The following EDEM3 variants were observed in gnomAD, a reference collection of about 807,000 sequenced individuals.
EDEM3 encodes the protein ER degradation enhancing alpha-mannosidase like protein 3, also known as ER degradation-enhancing alpha-mannosidase-like protein 3.
A neutral mutation model predicts 110.2 loss-of-function variants in EDEM3; 60 were observed. The ratio of observed to expected loss-of-function variants is 0.54; its 90% CI spans 0.44 to 0.67. The LOEUF (loss-of-function observed/expected upper bound fraction) is 0.67. Among genes scored for constraint, EDEM3 ranks in the 30% least tolerant of loss-of-function variants. The pLI is 0.00. For missense variants in EDEM3, 996 were observed against 1,121.0 expected (o/e 0.89, Z 1.59); for synonymous variants, 352 against 382.9 (o/e 0.92, Z 0.94).
intron 2 of EDEM3, among the ~76,000 whole-genome samples, chr1:184,748,303 C>T (rs191367648): frequency 1.5e-3 from 223 of 152,018 alleles, no homozygotes; most frequent in Non-Finnish European, 2.5e-3. Context: ...AAAAATTAGC[C>T]AGGCATGGTG....
intron 8 of EDEM3, among the ~76,000 whole-genome samples, chr1:184,722,704 GAATT>G (rs1369766397): frequency 1.3e-5 from 2 of 151,506 alleles, no homozygotes; most frequent in South Asian, 2.1e-4. Context: ...TAATATGTTT[GAATT>G]AATAATTTTA....
At position 184,753,201 on chromosome 1, in the gene EDEM3, AT is replaced by A. The variant is rs551510707; in HGVS notation, c.158+1287del. Reference sequence around the variant, plus strand: ...CGTTCCACTTTTTTTCTGAGCTCAGATTTTTTTTTTCTTTTTTAAAAAAAAC... The same window carrying A: ...CGTTCCACTTTTTTTCTGAGCTCAGATTTTTTTTTCTTTTTTAAAAAAAAC... On this transcript the variant is annotated intron_variant, in intron 1 of 19. Coordinates refer to ENST00000318130, the MANE Select transcript of EDEM3 (RefSeq NM_025191.4). Among the ~76,000 whole-genome samples the A allele has an allele frequency of 7.7e-3, 1,144 of 148,280 alleles. 11 individuals are homozygous for A. Among genetic ancestry groups the A allele is most frequent in the Middle Eastern group, 0.028 (8 of 290 alleles).
chr1:184,701,875 T>C (rs1303383891), intron 19 of EDEM3, among the ~76,000 whole-genome samples: 2 of 152,162 alleles, frequency 1.3e-5, no homozygotes, highest in Admixed American at 6.6e-5. Flanking sequence ...CTAGCATGAT[T>C]ATGCTAGCAT....
At position 184,744,280 on chromosome 1, in the gene EDEM3, A is replaced by C. The variant is rs868031982; in HGVS notation, c.204+5267T>G. Among the ~76,000 whole-genome samples the C allele has an allele frequency of 2.6e-3, 335 of 127,806 alleles. 1 individual carries two copies. The highest frequency in any genetic ancestry group is 9.2e-3 in the African/African-American group (292 of 31,750). 83.8% of individuals were successfully genotyped at this position (127,806 alleles called of 152,430 possible). A position where few individuals can be genotyped will look rare whatever the true frequency, so the allele number is the denominator to read the frequency against. On this transcript the variant is annotated intron_variant, in intron 2 of 19. Coordinates refer to ENST00000318130, the MANE Select transcript of EDEM3 (RefSeq NM_025191.4). ...TATATATATATATATATATATATATATATATATATATATGAATAGCAAATA... is the reference window on the plus strand; with the variant it reads ...TATATATATATATATATATATATATCTATATATATATATGAATAGCAAATA...
chr1:184,702,999 A>T lies in EDEM3; in HGVS notation c.2204-3T>A, dbSNP rs1485353441. 6.3e-7 allele frequency: 1 copy of T among 1,590,882 alleles called. No homozygotes were observed. Among genetic ancestry groups the T allele is most frequent in the Admixed American group, 1.8e-5 (1 of 55,462 alleles). Reference sequence around the variant, plus strand: ...ACTGCTGCTCCCCTCATTGTCATCTAGCCAGAAAATAAATACAGCAAACAT... The same window carrying T: ...ACTGCTGCTCCCCTCATTGTCATCTTGCCAGAAAATAAATACAGCAAACAT... On this transcript the variant is annotated splice_polypyrimidine_tract_variant and splice_region_variant and intron_variant, in intron 18 of 19. Transcript: ENST00000318130.
At chr1:184,712,661 A>G in intron 13 of EDEM3, 63 bp from the exon 14 acceptor site, 1 of 1,146,840 alleles carries the variant, frequency 8.7e-7, no homozygotes, top group South Asian at 1.7e-5. Flanking sequence ...CAACTATATG[A>G]AAGCCATAGA....
At chr1:184,730,666 C>T (rs1353355006) in intron 6 of EDEM3, among the ~76,000 whole-genome samples, 1 of 152,136 alleles carries the variant, frequency 6.6e-6, no homozygotes, top group East Asian at 1.9e-4. Flanking sequence ...GAAGAGATTT[C>T]ATTCTAGTCT....
Position 184,734,634 on chromosome 1 carries a change from T to G in EDEM3, c.355A>C (p.Lys119Gln). 1 of 1,413,010 alleles carries G rather than the reference T, an allele frequency of 7.1e-7. No homozygotes were observed. The highest frequency in any genetic ancestry group is 1.3e-5 in the South Asian group (1 of 74,898). 87.5% of individuals were successfully genotyped at this position (1,413,010 alleles called of 1,614,324 possible). Residue 119 changes from lysine (K) to glutamine (Q), a missense_variant, in exon 5 of 20, where the codon AAA (lysine) becomes CAA (glutamine). This residue lies in a region of EDEM3 where 200 missense variants were observed against 183.8 expected (regional missense o/e 1.09). Transcript: ENST00000318130. ...DSLDTLVVLN[K>Q]TKEFEDAVRK... ...ACTGCATCTTCAAATTCTTTAGTTT[T>G]ATTTAAAACCTGGGAGAAGAAAATT...
At position 184,737,594 on chromosome 1, in the gene EDEM3, C is replaced by T; in HGVS notation, c.305+17G>A. On this transcript the variant is annotated intron_variant, in intron 3 of 19. Coordinates refer to ENST00000318130, the MANE Select transcript of EDEM3 (RefSeq NM_025191.4). ...GGAACTCTGAGATGCCATGCCATGC[C>T]CTGTGTTAATACTCACTTTCCCAAG... 1.2e-6 allele frequency: 2 copies of T among 1,612,064 alleles called. No homozygotes were observed. The highest frequency in any genetic ancestry group is 2.7e-5 in the African/African-American group (2 of 74,976).
At chr1:184,717,940 C>T (rs1435645842) in intron 11 of EDEM3, among the ~76,000 whole-genome samples, 4 of 151,898 alleles carry the variant, frequency 2.6e-5, no homozygotes, top group African/African-American at 4.8e-5. Flanking sequence ...TTTTATCCTT[C>T]CCTCTACTTT....
At chr1:184,751,235 GA>G (rs138339970) in intron 1 of EDEM3, among the ~76,000 whole-genome samples, 9 of 146,490 alleles carry the variant, frequency 6.1e-5, no homozygotes, top group South Asian at 2.1e-4. Flanking sequence ...GTCCTAAGCA[GA>G]AAAAAAAAAG....
intron 18 of EDEM3, among the ~76,000 whole-genome samples, chr1:184,705,225 T>A (rs10911639): frequency 1.2e-3 from 179 of 152,344 alleles, no homozygotes; most frequent in African/African-American, 4.1e-3. Flanking sequence ...TACATTTTCA[T>A]TTTGAAGTCT....
At chr1:184,712,828 G>A (rs1041675924) in intron 13 of EDEM3, among the ~76,000 whole-genome samples, 7 of 152,158 alleles carry the variant, frequency 4.6e-5, no homozygotes, top group Admixed American at 4.6e-4. Flanking sequence ...ACTGAATCTT[G>A]TGAATAATGC....
At chr1:184,710,915 T>C (rs1650191425) in intron 15 of EDEM3, among the ~76,000 whole-genome samples, 1 of 152,150 alleles carries the variant, frequency 6.6e-6, no homozygotes, top group African/African-American at 2.4e-5. Context: ...CATCAGTGAA[T>C]AATAACACTT....
intron 6 of EDEM3, among the ~76,000 whole-genome samples, chr1:184,728,637 G>T (rs1651325620): frequency 6.6e-6 from 1 of 150,796 alleles, no homozygotes; most frequent in Non-Finnish European, 1.5e-5. Context: ...TGGGGATGGA[G>T]TCTCACTCTG....
Position 184,749,553 on chromosome 1 carries a change from G to C in EDEM3, c.198C>G (p.Asn66Lys). ...VLEMFDHAYG[N>K]YMEHAYPADE... Reference sequence around the variant, plus strand: ...AGATAAGCTTCCTACTTACCATATAGTTACCATAAGCATGATCAAACATTT... The same window carrying C: ...AGATAAGCTTCCTACTTACCATATACTTACCATAAGCATGATCAAACATTT... Residue 66 changes from asparagine (N) to lysine (K), a missense_variant, in exon 2 of 20, where the codon AAC (asparagine) becomes AAG (lysine). This residue lies in a region of EDEM3 where 200 missense variants were observed against 183.8 expected (regional missense o/e 1.09). Transcript: ENST00000318130. 1 of 1,550,740 alleles carries C rather than the reference G, an allele frequency of 6.4e-7. No individual in the cohort carries two copies. Among genetic ancestry groups the C allele is most frequent in the Non-Finnish European group, 8.7e-7 (1 of 1,147,224 alleles).
chr1:184,696,031 G>T (rs914901125), intron 19 of EDEM3, among the ~76,000 whole-genome samples: 1 of 151,798 alleles, frequency 6.6e-6, no homozygotes, highest in African/African-American at 2.4e-5. Flanking sequence ...GCAACTGGGG[G>T]GATTCTCTCT....
chr1:184,703,668 T>C (rs1439552513), intron 18 of EDEM3, among the ~76,000 whole-genome samples: 3 of 152,216 alleles, frequency 2.0e-5, no homozygotes, highest in Non-Finnish European at 2.9e-5. Context: ...CCAAATCGCA[T>C]GCCAGTCTCC....
chr1:184,752,342 T>C (rs950113597), intron 1 of EDEM3, among the ~76,000 whole-genome samples: 1 of 152,166 alleles, frequency 6.6e-6, no homozygotes, highest in Admixed American at 6.5e-5. Context: ...ATTTTCTGCT[T>C]TTTATCATGA....
Sources: allele counts gnomAD v4.1 joint callset (sites outside exome capture counted in the v4.1 genomes callset), GRCh38; gene constraint gnomAD v4.1.1; regional missense constraint gnomAD v4.1.1; transcripts MANE v1.5; gene names NCBI Gene and HGNC (gene_info 2026-07-23, HGNC 2026-07-21).